PEBP4: variants seen among roughly 807,000 people sequenced by gnomAD.
The protein encoded by PEBP4 is phosphatidylethanolamine-binding protein 4.
PEBP4 carries 22 observed loss-of-function variants against 23.9 expected under a neutral mutation model. The ratio of observed to expected loss-of-function variants is 0.92; its 90% CI spans 0.66 to 1.31. The LOEUF (loss-of-function observed/expected upper bound fraction) is 1.31, where lower values mean the gene tolerates loss of function less well. Ranked by LOEUF, PEBP4 falls within the 40% of genes most tolerant of loss-of-function variation. The pLI is 0.00. For synonymous variants in PEBP4, 112 were observed against 99.3 expected, an observed-to-expected ratio of 1.13 and a Z score of -0.76; for missense variants, 324 against 281.7, an observed-to-expected ratio of 1.15 and a Z score of -1.07.
chr8:22,750,124 C>T (rs1805221889), intron 4 of PEBP4, among the ~76,000 whole-genome samples: 1 of 142,862 alleles, frequency 7.0e-6, no homozygotes, highest in Admixed American at 7.0e-5. Context: ...TTTTTTGAGA[C>T]TGAGTCTCGC....
Position 22,865,097 on chromosome 8 carries a change from C to T in PEBP4, c.259-47362G>A, listed in dbSNP as rs149232389. On this transcript the variant is annotated intron_variant, in intron 3 of 6. Coordinates refer to ENST00000256404, the MANE Select transcript of PEBP4 (RefSeq NM_144962.3). This position sits in a 1 kb window ranked among gnomAD's most constrained non-coding sequence, Gnocchi z 6.9. Reference sequence around the variant, plus strand: ...AGGGCCAGACGCCGAGCCCTGGATGCGAGGTGGGGGTAGACAGAAGGGCTG... The same window carrying T: ...AGGGCCAGACGCCGAGCCCTGGATGTGAGGTGGGGGTAGACAGAAGGGCTG... Among the ~76,000 whole-genome samples the T allele has an allele frequency of 0.011, 1,633 of 151,826 alleles. 20 individuals are homozygous for T. Among genetic ancestry groups the T allele is most frequent in the Non-Finnish European group, 0.018 (1,215 of 67,910 alleles).
chr8:22,865,482 G>GC lies in PEBP4; in HGVS notation c.259-47748dup, dbSNP rs1038887808. ...CCGCCGCGAGGTGGAGCGCGCCACC[G>GC]CCCCCCCGGCCGCGCAGCGAGAAGG... On this transcript the variant is annotated intron_variant, in intron 3 of 6. Transcript: ENST00000256404. This position sits in a 1 kb window ranked among gnomAD's most constrained non-coding sequence, Gnocchi z 6.9. 2.9e-4 allele frequency among the ~76,000 whole-genome samples: 44 copies of GC among 151,692 alleles called. No individual in the cohort carries two copies. Among genetic ancestry groups the GC allele is most frequent in the Middle Eastern group, 3.4e-3 (1 of 292 alleles).
intron 1 of PEBP4, among the ~76,000 whole-genome samples, chr8:22,935,576 C>T (rs564312905): frequency 6.6e-6 from 1 of 152,174 alleles, no homozygotes; most frequent in South Asian, 2.1e-4. Flanking sequence ...TTCTGAAATG[C>T]TTCAAGATTT....
At chr8:22,731,786 G>A (rs1462360043) in intron 4 of PEBP4, among the ~76,000 whole-genome samples, 1 of 151,174 alleles carries the variant, frequency 6.6e-6, no homozygotes, top group African/African-American at 2.4e-5. Context: ...AGCCTCCCGA[G>A]TAGCTGGGAC....
chr8:22,901,883 G>T (rs1246298067), intron 3 of PEBP4, among the ~76,000 whole-genome samples: 1 of 152,164 alleles, frequency 6.6e-6, no homozygotes, highest in Non-Finnish European at 1.5e-5. Context: ...TCATGTTTTA[G>T]AAAGACTGCC....
chr8:22,810,709 TGTGTGA>T (rs1213582958), intron 4 of PEBP4, among the ~76,000 whole-genome samples: 269 of 113,296 alleles, frequency 2.4e-3, no homozygotes, highest in African/African-American at 5.5e-3. Flanking sequence ...TGTGTGTGTG[TGTGTGA>T]GAGAGAGAGA....
intron 2 of PEBP4, 52 bp downstream of exon 2, chr8:22,927,532 T>G: frequency 1.3e-6 from 2 of 1,566,854 alleles, no homozygotes; most frequent in Non-Finnish European, 1.7e-6. Flanking sequence ...CCCTGCCATC[T>G]ACCTGCCTGG....
intron 4 of PEBP4, among the ~76,000 whole-genome samples, chr8:22,760,949 A>C (rs956794860): frequency 6.6e-6 from 1 of 152,172 alleles, no homozygotes; most frequent in African/African-American, 2.4e-5. Context: ...CGCGCACACC[A>C]GTTGCCCTGT....
chr8:22,930,718 G>C (rs1018320200), upstream of PEBP4, among the ~76,000 whole-genome samples: 6 of 152,058 alleles, frequency 3.9e-5, no homozygotes, highest in Non-Finnish European at 7.4e-5. Flanking sequence ...GAATGCAGTG[G>C]TTCTCGGGAT....
intron 4 of PEBP4, among the ~76,000 whole-genome samples, chr8:22,805,692 G>A (rs1261193287): frequency 1.3e-5 from 2 of 152,206 alleles, no homozygotes; most frequent in East Asian, 3.8e-4. Context: ...TGTTGATAGT[G>A]GAGGAGGCTT....
At chr8:22,845,014 G>A (rs887186967) in intron 3 of PEBP4, among the ~76,000 whole-genome samples, 1 of 152,192 alleles carries the variant, frequency 6.6e-6, no homozygotes, top group Non-Finnish European at 1.5e-5. Context: ...GGGCCCCCAG[G>A]AGCTAATTTA....
chr8:22,917,047 G>A (rs1290409664), intron 3 of PEBP4, among the ~76,000 whole-genome samples: 1 of 151,746 alleles, frequency 6.6e-6, no homozygotes, highest in East Asian at 1.9e-4. Context: ...CCAGAATATG[G>A]AGGTGGGAAG....
At chr8:22,737,931 G>C (rs768470571) in intron 4 of PEBP4, among the ~76,000 whole-genome samples, 2 of 152,148 alleles carry the variant, frequency 1.3e-5, no homozygotes, top group Non-Finnish European at 2.9e-5. Flanking sequence ...GGAGGGAAAG[G>C]CTCGGTGGTT....
chr8:22,812,416 AG>A (rs1378480441), intron 4 of PEBP4, among the ~76,000 whole-genome samples: 1 of 152,194 alleles, frequency 6.6e-6, no homozygotes, highest in Non-Finnish European at 1.5e-5. Context: ...GCCACATACA[AG>A]TCTGGTTAAT....
intron 4 of PEBP4, among the ~76,000 whole-genome samples, chr8:22,780,717 A>G (rs1426535849): frequency 1.3e-5 from 2 of 152,202 alleles, no homozygotes; most frequent in Non-Finnish European, 2.9e-5. Flanking sequence ...AGCTGGAAGG[A>G]TGTGGACAGA....
rs1276933798 is a variant in PEBP4 at position 22,713,473 on chromosome 8, T to A, written c.581A>T (p.Gln194Leu). The part of the protein sequence containing the change: ...FHLGEPEAST[Q>L]FMTQNYQDSP... ...GTCCTGGTAGTTCTGGGTCATGAAC[T>A]GGGTGCTTGCTTCAGGTTCGCCCAG... Residue 194 changes from glutamine to leucine, a missense_variant, in exon 7 of 7, where the codon CAG becomes CTG. Physicochemically the swap from Gln to Leu is moderately radical, Grantham distance 113. Coordinates refer to ENST00000256404, the MANE Select transcript of PEBP4 (RefSeq NM_144962.3). 1 of 1,614,040 alleles carries A rather than the reference T, an allele frequency of 6.2e-7. No individual in the cohort carries two copies. Among genetic ancestry groups the A allele is most frequent in the African/African-American group, 1.3e-5 (1 of 74,938 alleles).
intron 3 of PEBP4, among the ~76,000 whole-genome samples, chr8:22,866,327 C>T (rs930923211): frequency 2.0e-5 from 3 of 152,176 alleles, no homozygotes; most frequent in Non-Finnish European, 4.4e-5. Context: ...TCTTTTCAAG[C>T]ATTTAACATT....
chr8:22,786,032 T>G (rs935995874), intron 4 of PEBP4, among the ~76,000 whole-genome samples: 2 of 152,182 alleles, frequency 1.3e-5, no homozygotes, highest in African/African-American at 4.8e-5. Flanking sequence ...AATAAGACAG[T>G]GCATGTTTAG....
At chr8:22,826,329 G>T (rs1210297462) in intron 3 of PEBP4, among the ~76,000 whole-genome samples, 1 of 152,202 alleles carries the variant, frequency 6.6e-6, no homozygotes, top group Non-Finnish European at 1.5e-5. Flanking sequence ...AACTGAGGCT[G>T]CATGCATTGT....
Sources: gnomAD v4.1 joint callset for allele counts (sites outside exome capture counted in the v4.1 genomes callset) on GRCh38, gnomAD v4.1.1 for gene constraint, Gnocchi (gnomAD v3.1) non-coding constraint, MANE v1.5 for transcripts, NCBI Gene and HGNC (gene_info 2026-07-23, HGNC 2026-07-21) for gene names.